Variants in AGBL3 observed in about 807,000 individuals in gnomAD.
AGBL3 encodes the protein AGBL carboxypeptidase 3.
In AGBL3, 68 loss-of-function variants were observed where a neutral mutation model predicts 94.5. That is an observed-to-expected ratio of 0.72 (90% CI 0.59 to 0.88). The LOEUF (loss-of-function observed/expected upper bound fraction) is 0.88, where lower values mean the gene tolerates loss of function less well. Among genes scored for constraint, AGBL3 ranks in the 40% least tolerant of loss-of-function variants. AGBL3 has a pLI of 0.00. For missense variants in AGBL3, 934 were observed against 1,103.8 expected, an observed-to-expected ratio of 0.85 and a Z score of 2.18; for synonymous variants, 354 against 370.7, an observed-to-expected ratio of 0.95 and a Z score of 0.52.
chr7:135,068,595 A>G (rs1253722227), intron 12 of AGBL3, among the ~76,000 whole-genome samples: 1 of 152,232 alleles, frequency 6.6e-6, no homozygotes, highest in African/African-American at 2.4e-5. Flanking sequence ...ATCCTTAAAG[A>G]AAAGAATTTT....
At chr7:135,102,176 T>G (rs935484275) in intron 15 of AGBL3, among the ~76,000 whole-genome samples, 5 of 152,192 alleles carry the variant, frequency 3.3e-5, no homozygotes, top group Non-Finnish European at 7.3e-5. Context: ...TTATAGTAAG[T>G]AAGGCTAAAG....
At chr7:135,133,055 G>A (rs111232071) in intron 16 of AGBL3, among the ~76,000 whole-genome samples, 13 of 131,590 alleles carry the variant, frequency 9.9e-5, no homozygotes, top group South Asian at 8.5e-4. Context: ...AAACACACAC[G>A]CACGCATGCG....
At chr7:135,071,511 A>G (rs533412372) in intron 12 of AGBL3, among the ~76,000 whole-genome samples, 16 of 152,308 alleles carry the variant, frequency 1.1e-4, no homozygotes, top group African/African-American at 3.4e-4. Flanking sequence ...ACTTCAAACT[A>G]TACTACAAGG....
chr7:134,994,837 G>A (rs1810790142), intron 4 of AGBL3, among the ~76,000 whole-genome samples: 1 of 152,120 alleles, frequency 6.6e-6, no homozygotes, highest in Non-Finnish European at 1.5e-5. Context: ...AAGAATTCAT[G>A]CTTAATAGTA....
intron 11 of AGBL3, among the ~76,000 whole-genome samples, chr7:135,055,544 G>A (rs1407826583): frequency 6.6e-6 from 1 of 151,982 alleles, no homozygotes; most frequent in Non-Finnish European, 1.5e-5. Flanking sequence ...GCTTTAGCCT[G>A]TTAATGTGAC....
intron 15 of AGBL3, among the ~76,000 whole-genome samples, chr7:135,108,310 A>C (rs1278141317): frequency 2.0e-5 from 3 of 152,038 alleles, no homozygotes; most frequent in Admixed American, 6.6e-5. Flanking sequence ...TTATAGTGTC[A>C]CTGGTCTACG....
intron 1 of AGBL3, among the ~76,000 whole-genome samples, chr7:134,986,983 G>T (rs1809538329): frequency 6.6e-6 from 1 of 152,374 alleles, no homozygotes; most frequent in South Asian, 2.1e-4. Context: ...ATCCGCAGCA[G>T]GTCAGCACTT....
chr7:135,023,091 G>A (rs1227255155), intron 5 of AGBL3, among the ~76,000 whole-genome samples: 2 of 152,102 alleles, frequency 1.3e-5, no homozygotes, highest in African/African-American at 4.8e-5. Context: ...CACATATAGT[G>A]TGAGCACCTT....
At chr7:135,117,720 T>C (rs746302634) in intron 16 of AGBL3, among the ~76,000 whole-genome samples, 1 of 152,246 alleles carries the variant, frequency 6.6e-6, no homozygotes, top group Non-Finnish European at 1.5e-5. Flanking sequence ...GCTTGCTGCT[T>C]TCCTACTTTT....
At chr7:135,124,569 C>T (rs1286612314) in intron 16 of AGBL3, among the ~76,000 whole-genome samples, 2 of 152,248 alleles carry the variant, frequency 1.3e-5, no homozygotes, top group Non-Finnish European at 2.9e-5. Context: ...CTACAGAAAT[C>T]TCCACCCCAA....
chr7:135,028,288 AT>A (rs1165261695), intron 5 of AGBL3, among the ~76,000 whole-genome samples: 1 of 151,520 alleles, frequency 6.6e-6, no homozygotes, highest in Non-Finnish European at 1.5e-5. Context: ...ATGTGATGCT[AT>A]TTGATAGCAT....
chr7:134,988,606 T>C (rs1809790688), intron 2 of AGBL3, among the ~76,000 whole-genome samples: 1 of 152,084 alleles, frequency 6.6e-6, no homozygotes. Context: ...ATTTATGGCT[T>C]TCTGTGTTTT....
chr7:135,059,117 A>G lies in AGBL3; in HGVS notation c.1842-52A>G, dbSNP rs567093799. The G allele has an allele frequency of 6.6e-6, 9 of 1,360,020 alleles. No individual in the cohort carries two copies. The Admixed American group carries it at 7.1e-5, about 11-fold the overall frequency. 84.2% of individuals were successfully genotyped at this position (1,360,020 alleles called of 1,614,324 possible). ...AAGATAAATAAAAGCAACAGTTGAA[A>G]TTTTAAGATGCCACCAAAACACTGT... On this transcript the variant is annotated intron_variant, in intron 11 of 16. Coordinates refer to ENST00000436302, the MANE Select transcript of AGBL3 (RefSeq NM_178563.4).
At chr7:135,071,640 T>C (rs1460823564) in intron 12 of AGBL3, among the ~76,000 whole-genome samples, 2 of 152,050 alleles carry the variant, frequency 1.3e-5, no homozygotes, top group Non-Finnish European at 2.9e-5. Context: ...TTGACAAACC[T>C]GACAAAAACA....
intron 15 of AGBL3, among the ~76,000 whole-genome samples, chr7:135,088,723 C>G (rs1821534609): frequency 6.6e-6 from 1 of 152,108 alleles, no homozygotes; most frequent in Non-Finnish European, 1.5e-5. Context: ...TGTAAAGTTT[C>G]TGCAAAGAAA....
intron 8 of AGBL3, among the ~76,000 whole-genome samples, chr7:135,042,325 A>G (rs1816934578): frequency 6.6e-6 from 1 of 152,244 alleles, no homozygotes; most frequent in Admixed American, 6.5e-5. Flanking sequence ...ATACAATGGA[A>G]TAGTACTTGC....
chr7:135,128,697 G>T, intron 16 of AGBL3: 2 of 1,333,332 alleles, frequency 1.5e-6, no homozygotes, highest in South Asian at 1.2e-5. Context: ...CTCTCCTTTT[G>T]AGCTCAAGAT....
chr7:135,033,569 T>C (rs1815996076), intron 6 of AGBL3, among the ~76,000 whole-genome samples: 2 of 152,226 alleles, frequency 1.3e-5, no homozygotes, highest in Non-Finnish European at 2.9e-5. Flanking sequence ...TTGTTATGTA[T>C]ATAAATAACA....
At chr7:135,020,653 C>A (rs934400725) in intron 5 of AGBL3, among the ~76,000 whole-genome samples, 1 of 152,122 alleles carries the variant, frequency 6.6e-6, no homozygotes, top group Non-Finnish European at 1.5e-5. Flanking sequence ...AGTCTTGGAA[C>A]CAACCCAAAT....
Sources: allele counts gnomAD v4.1 joint callset (sites outside exome capture counted in the v4.1 genomes callset), GRCh38; gene constraint gnomAD v4.1.1; transcripts MANE v1.5; gene names NCBI Gene and HGNC (gene_info 2026-07-23, HGNC 2026-07-21).